The following ANLN variants were observed in gnomAD, a reference collection of about 807,000 sequenced individuals.
The protein encoded by ANLN is anillin, actin binding protein.
In ANLN, 59 loss-of-function variants were observed where a neutral mutation model predicts 135.1. The ratio of observed to expected loss-of-function variants is 0.44; its 90% CI spans 0.35 to 0.54. The LOEUF is 0.54. Ranked by LOEUF, ANLN falls within the 20% of genes least tolerant of loss-of-function variation. The pLI is 0.00. For missense variants in ANLN, 1,182 were observed against 1,340.0 expected, an observed-to-expected ratio of 0.88 and a Z score of 1.84; for synonymous variants, 406 against 456.4, an observed-to-expected ratio of 0.89 and a Z score of 1.41.
In ANLN at chr7:36,399,306, T is replaced by C. The variant is rs748358673; in HGVS notation, c.400T>C (p.Leu134=). ...CATGAGGAGAGGGCTGAACTCAAGA[T>C]TGGAAGCAACTGCAGCCTCCTCAGT... ...LGMRRGLNSR[L]EATAASSVKT... is the part of the protein sequence containing the mutation. The change falls in exon 3 of 24, where the codon TTG becomes CTG. Residue 134 remains leucine, a synonymous_variant. Transcript: ENST00000265748. The C allele has an allele frequency of 8.1e-6, 13 of 1,613,962 alleles. No homozygotes were observed. Among genetic ancestry groups the C allele is most frequent in the African/African-American group, 5.3e-5 (4 of 74,890 alleles).
intron 11 of ANLN, 126 bp downstream of exon 11, chr7:36,420,440 T>C: frequency 7.4e-7 from 1 of 1,345,886 alleles, no homozygotes; most frequent in East Asian, 2.3e-5. Flanking sequence ...GAATAACTTT[T>C]GTTAGCCTCT....
chr7:36,408,393 TTTTA>T (rs973673289), intron 5 of ANLN, among the ~76,000 whole-genome samples: 2 of 152,188 alleles, frequency 1.3e-5, no homozygotes, highest in Non-Finnish European at 2.9e-5. Context: ...CCACTTCTAA[TTTTA>T]TTTATTTACT....
At chr7:36,446,661 G>A (rs1328031778) in intron 22 of ANLN, among the ~76,000 whole-genome samples, 3 of 152,014 alleles carry the variant, frequency 2.0e-5, no homozygotes, top group African/African-American at 7.2e-5. Context: ...CAGCACCAAG[G>A]GGATTTCTTG....
At chr7:36,420,084 A>T in intron 10 of ANLN, 85 bp from the exon 11 acceptor site, 2 of 1,354,336 alleles carry the variant, frequency 1.5e-6, no homozygotes, top group Non-Finnish European at 1.0e-6. Context: ...TTTTCTTAAT[A>T]TTAATGGAGA....
chr7:36,395,375 A>G (rs939270955), intron 1 of ANLN, among the ~76,000 whole-genome samples: 2 of 152,168 alleles, frequency 1.3e-5, no homozygotes, highest in African/African-American at 4.8e-5. Context: ...GCCAAAAATC[A>G]CATTACTCTG....
chr7:36,407,942 A>G lies in ANLN; in HGVS notation c.1082A>G (p.Lys361Arg). 6.2e-7 allele frequency: 1 copy of G among 1,612,768 alleles called. No homozygotes were observed. Residue 361 changes from lysine (K) to arginine (R), a missense_variant, in exon 5 of 24, where the codon AAA becomes AGA. Coordinates refer to ENST00000265748, the MANE Select transcript of ANLN (RefSeq NM_018685.5). The part of the protein sequence containing the change: ...EICLQSQSKD[K>R]STTPGGTGIK... ...TGTCTGCAATCTCAATCTAAAGACA[A>G]ATCTACGACACCAGGTTACGTATTT... is the stretch of plus-strand genomic sequence containing the variant.
At chr7:36,422,576 C>A in intron 13 of ANLN, 57 bp from the exon 14 acceptor site, 1 of 1,460,454 alleles carries the variant, frequency 6.8e-7, no homozygotes, top group Non-Finnish European at 9.2e-7. Context: ...TTTGAATTTG[C>A]TCTCATTAGA....
Position 36,417,208 on chromosome 7 carries a change from A to C in ANLN, c.1633+18A>C. The C allele has an allele frequency of 7.2e-7, 1 of 1,388,906 alleles. No individual in the cohort carries two copies. Among genetic ancestry groups the C allele is most frequent in the Admixed American group, 1.9e-5 (1 of 51,808 alleles). The allele number at this position is 1,388,906 out of a possible 1,614,324, so 86.0% of individuals were successfully genotyped here. A position where few individuals can be genotyped will look rare whatever the true frequency, so the allele number is the denominator to read the frequency against. Reference sequence around the variant, plus strand: ...GAAAATTGGTTGGTTTTTATTCTTTATTTATTATTAACTTTGCACATACTA... The same window carrying C: ...GAAAATTGGTTGGTTTTTATTCTTTCTTTATTATTAACTTTGCACATACTA... On this transcript the variant is annotated intron_variant, in intron 9 of 23. Coordinates refer to ENST00000265748, the MANE Select transcript of ANLN (RefSeq NM_018685.5).
Position 36,390,040 on chromosome 7 carries a change from C to A in ANLN, c.14C>A (p.Thr5Lys). MDPF[T>K]EKLLERTRAR... The stretch of plus-strand genomic sequence containing the variant: ...ACGCCTGGGGCGATGGATCCGTTTA[C>A]GGAGGTGAGTGAGTTTGCGGGTGCA... Residue 5 changes from threonine (T) to lysine (K), a missense_variant, in exon 1 of 24, where the codon ACG becomes AAG. By Grantham distance (78) the Thr-to-Lys change is moderately conservative. This residue lies in a region of ANLN where 1,022 missense variants were observed against 1,134.0 expected (regional missense o/e 0.90). Coordinates refer to ENST00000265748, the MANE Select transcript of ANLN (RefSeq NM_018685.5). 6.2e-7 allele frequency: 1 copy of A among 1,613,956 alleles called. No individual in the cohort carries two copies. The highest frequency in any genetic ancestry group is 8.5e-7 in the Non-Finnish European group (1 of 1,179,952).
chr7:36,399,572 C>T (rs977436694), intron 3 of ANLN, among the ~76,000 whole-genome samples, 179 bp downstream of exon 3: 2 of 152,170 alleles, frequency 1.3e-5, no homozygotes, highest in Non-Finnish European at 2.9e-5. Context: ...TATGTTTAGA[C>T]TGAAGTAGAT....
intron 7 of ANLN, 101 bp from the exon 8 acceptor site, chr7:36,415,657 C>T (rs1212534577): frequency 1.6e-6 from 2 of 1,288,406 alleles, no homozygotes; most frequent in Non-Finnish European, 2.1e-6. Context: ...GAAACTTATA[C>T]AGAATAATAT....
intron 7 of ANLN, among the ~76,000 whole-genome samples, chr7:36,413,193 A>C (rs1787498019): frequency 6.6e-6 from 1 of 152,110 alleles, no homozygotes; most frequent in Non-Finnish European, 1.5e-5. Context: ...CTGAAAAAAA[A>C]AACAACTCTT....
At chr7:36,401,591 G>A (rs368898537) in intron 3 of ANLN, among the ~76,000 whole-genome samples, 4 of 132,986 alleles carry the variant, frequency 3.0e-5, no homozygotes, top group Non-Finnish European at 6.6e-5. Context: ...CGCCTGCCGC[G>A]GCCTCCCAAA....
chr7:36,417,627 T>G (rs148905720), intron 9 of ANLN, among the ~76,000 whole-genome samples: 2 of 149,020 alleles, frequency 1.3e-5, no homozygotes, highest in East Asian at 4.0e-4. Context: ...CTGCCTCCTC[T>G]CCTTCAGATA....
intron 22 of ANLN, among the ~76,000 whole-genome samples, chr7:36,445,673 C>T (rs1788966145): frequency 6.6e-6 from 1 of 152,192 alleles, no homozygotes; most frequent in African/African-American, 2.4e-5. Context: ...GTACCTTTTA[C>T]AGCCCACATG....
intron 21 of ANLN, among the ~76,000 whole-genome samples, chr7:36,441,296 C>G (rs1212641531): frequency 2.0e-5 from 3 of 152,224 alleles, no homozygotes; most frequent in African/African-American, 7.2e-5. Flanking sequence ...CAAGTTTACT[C>G]TGTCTTGAAT....
At chr7:36,434,464 C>A (rs778896062) in intron 20 of ANLN, among the ~76,000 whole-genome samples, 1 of 152,334 alleles carries the variant, frequency 6.6e-6, no homozygotes, top group East Asian at 1.9e-4. Flanking sequence ...GAAGGCTCAA[C>A]TGGTTTCTCC....
intron 22 of ANLN, among the ~76,000 whole-genome samples, chr7:36,448,374 G>A (rs555730913): frequency 6.6e-6 from 1 of 152,264 alleles, no homozygotes; most frequent in Non-Finnish European, 1.5e-5. Context: ...ATAGTATAAT[G>A]AACTTTCAGC....
chr7:36,425,593 T>G, intron 17 of ANLN, 109 bp from the exon 18 acceptor site: 2 of 830,682 alleles, frequency 2.4e-6, no homozygotes. Flanking sequence ...TGCTCCCGGC[T>G]AAGAATTAAT....
Sources: gnomAD v4.1 joint callset for allele counts (sites outside exome capture counted in the v4.1 genomes callset) on GRCh38, gnomAD v4.1.1 for gene constraint, gnomAD v4.1.1 regional missense constraint, MANE v1.5 for transcripts, NCBI Gene and HGNC (gene_info 2026-07-23, HGNC 2026-07-21) for gene names.